IMMP2L: variants seen among roughly 807,000 people sequenced by gnomAD.
The protein encoded by IMMP2L is mitochondrial inner membrane protease subunit 2.
IMMP2L carries 18 observed loss-of-function variants against 19.3 expected under a neutral mutation model. The ratio of observed to expected loss-of-function variants is 0.93; its 90% confidence interval spans 0.64 to 1.38. The LOEUF is 1.38. IMMP2L is among the 40% of genes most tolerant of loss of function. The pLI, the probability that IMMP2L is intolerant of heterozygous loss-of-function variation, is 0.00. For synonymous variants in IMMP2L, 76 were observed against 73.0 expected (o/e 1.04, Z -0.21); for missense variants, 233 against 218.2 (o/e 1.07, Z -0.43).
intron 3 of IMMP2L, among the ~76,000 whole-genome samples, chr7:110,989,577 A>T (rs1021557681): frequency 6.6e-6 from 1 of 150,622 alleles, no homozygotes; most frequent in Non-Finnish European, 1.5e-5. Flanking sequence ...ATATTTGAGT[A>T]TTGGTAGTAT....
chr7:110,712,996 G>A (rs1644032827), intron 5 of IMMP2L, among the ~76,000 whole-genome samples: 1 of 152,066 alleles, frequency 6.6e-6, no homozygotes, highest in South Asian at 2.1e-4. Flanking sequence ...GGGAGCTGTA[G>A]ACCGGAGCTG....
chr7:110,983,362 C>A (rs946603792), intron 3 of IMMP2L, among the ~76,000 whole-genome samples: 3 of 152,070 alleles, frequency 2.0e-5, no homozygotes, highest in Middle Eastern at 3.4e-3. Context: ...AATGCTGTAA[C>A]TTGACAGATT....
chr7:111,431,594 AATGC>A (rs2131689441), intron 3 of IMMP2L, among the ~76,000 whole-genome samples: 1 of 151,950 alleles, frequency 6.6e-6, no homozygotes, highest in South Asian at 2.1e-4. Flanking sequence ...ATAGGTCCAT[AATGC>A]ATATTAAAAC....
At chr7:110,706,250 G>T (rs942613327) in intron 5 of IMMP2L, among the ~76,000 whole-genome samples, 1 of 152,038 alleles carries the variant, frequency 6.6e-6, no homozygotes, top group Non-Finnish European at 1.5e-5. Context: ...CTATGAGCAT[G>T]TGCCACCATG....
At chr7:110,678,583 G>C (rs572858823) in intron 5 of IMMP2L, among the ~76,000 whole-genome samples, 7 of 152,142 alleles carry the variant, frequency 4.6e-5, no homozygotes, top group Admixed American at 4.6e-4. Context: ...AGGACCTCAT[G>C]ATCTGGTGGG....
chr7:111,082,691 C>G (rs1326607859), intron 3 of IMMP2L, among the ~76,000 whole-genome samples: 2 of 152,028 alleles, frequency 1.3e-5, no homozygotes, highest in Admixed American at 6.6e-5. Flanking sequence ...GGGAGCACCC[C>G]CAAAGTCTAA....
Position 111,417,881 on chromosome 7 carries a change from A to G in IMMP2L, c.239+69357T>C, listed in dbSNP as rs150552253. Among the ~76,000 whole-genome samples, 120 of 151,986 alleles carry G rather than the reference A, an allele frequency of 7.9e-4. 2 individuals carry two copies. Among genetic ancestry groups the G allele is most frequent in the Middle Eastern group, 3.4e-3 (1 of 294 alleles). Reference sequence around the variant, plus strand: ...GAACTTTTCAGACACTGCGTTTGCAAAGCCCAAATCTGCAGCTGTTCTATA... The same window carrying G: ...GAACTTTTCAGACACTGCGTTTGCAGAGCCCAAATCTGCAGCTGTTCTATA... On this transcript the variant is annotated intron_variant, in intron 3 of 5. Transcript: ENST00000405709.
chr7:111,183,854 C>CAT (rs1807979617), intron 3 of IMMP2L, among the ~76,000 whole-genome samples: 1 of 152,040 alleles, frequency 6.6e-6, no homozygotes, highest in African/African-American at 2.4e-5. Context: ...AAAGAAAGAA[C>CAT]ATACACTCTG....
At chr7:111,249,510 G>A (rs745622362) in intron 3 of IMMP2L, among the ~76,000 whole-genome samples, 5 of 151,866 alleles carry the variant, frequency 3.3e-5, no homozygotes, top group East Asian at 1.9e-4. Flanking sequence ...GCTGTAGACC[G>A]GAGCTGTTCC....
chr7:111,337,437 G>A (rs894722396), intron 3 of IMMP2L, among the ~76,000 whole-genome samples: 2 of 148,026 alleles, frequency 1.4e-5, no homozygotes, highest in African/African-American at 5.0e-5. Flanking sequence ...TATTAATTAA[G>A]TTATTTGGAT....
At chr7:111,317,047 A>T (rs1315719166) in intron 3 of IMMP2L, among the ~76,000 whole-genome samples, 1 of 151,698 alleles carries the variant, frequency 6.6e-6, no homozygotes, top group East Asian at 1.9e-4. Flanking sequence ...ACGGGGTTTC[A>T]CCATGTTGGC....
chr7:110,833,465 G>A (rs1365708242), intron 5 of IMMP2L, among the ~76,000 whole-genome samples: 13 of 148,524 alleles, frequency 8.8e-5, no homozygotes, highest in African/African-American at 3.2e-4. Flanking sequence ...AAGAGAGAGA[G>A]AGCTTTAATC....
chr7:110,924,081 T>G lies in IMMP2L; in HGVS notation c.306-37386A>C, dbSNP rs535909226. 6.6e-6 allele frequency among the ~76,000 whole-genome samples: 1 copy of G among 152,286 alleles called. No homozygotes were observed. Among genetic ancestry groups the G allele is most frequent in the East Asian group, 1.9e-4 (1 of 5,184 alleles). On this transcript the variant is annotated intron_variant, in intron 4 of 5. Transcript: ENST00000405709. This position sits in a 1 kb window ranked among gnomAD's most constrained non-coding sequence, Gnocchi z 4.2. ...TATGACAAAGGAATGATTCCCATGA[T>G]TATTGAAAAGTCTGACTTCTACCTA...
intron 3 of IMMP2L, among the ~76,000 whole-genome samples, chr7:111,308,941 G>T (rs1334067081): frequency 6.6e-6 from 1 of 152,090 alleles, no homozygotes; most frequent in African/African-American, 2.4e-5. Flanking sequence ...GCTGTGTGAA[G>T]ATACTGGTTA....
intron 3 of IMMP2L, among the ~76,000 whole-genome samples, chr7:111,050,055 C>G (rs1222215711): frequency 6.6e-6 from 1 of 152,148 alleles, no homozygotes; most frequent in Non-Finnish European, 1.5e-5. Flanking sequence ...TGAGGAGGCA[C>G]AGTCTCAAAT....
intron 3 of IMMP2L, among the ~76,000 whole-genome samples, chr7:111,044,878 G>T (rs1275089961): frequency 6.6e-6 from 1 of 152,076 alleles, no homozygotes; most frequent in African/African-American, 2.4e-5. Context: ...GAGACTATTT[G>T]ATTATAATTT....
At chr7:111,068,848 A>G (rs1319906250) in intron 3 of IMMP2L, among the ~76,000 whole-genome samples, 1 of 152,208 alleles carries the variant, frequency 6.6e-6, no homozygotes, top group Non-Finnish European at 1.5e-5. Context: ...ATGACATGTC[A>G]GAAGCCTAAC....
At chr7:111,539,034 T>C (rs1848163330) in intron 1 of IMMP2L, among the ~76,000 whole-genome samples, 1 of 149,718 alleles carries the variant, frequency 6.7e-6, no homozygotes, top group African/African-American at 2.5e-5. Context: ...GCAGGAGAAT[T>C]GCTTGAACCT....
In IMMP2L at chr7:111,032,309, T is replaced by C. The variant is rs141094508; in HGVS notation, c.240-68744A>G. On this transcript the variant is annotated intron_variant, in intron 3 of 5. Coordinates refer to ENST00000405709, the MANE Select transcript of IMMP2L (RefSeq NM_032549.4). ...GAATAGAATGGAGAGCCTAGAATTA[T>C]GTGTAGACCTACATAAATATGATAA... Among the ~76,000 whole-genome samples the C allele has an allele frequency of 1.8e-3, 269 of 152,224 alleles. 1 individual carries two copies. The highest frequency in any genetic ancestry group is 5.3e-3 in the African/African-American group (221 of 41,530).
Sources: gnomAD v4.1 joint callset for allele counts (sites outside exome capture counted in the v4.1 genomes callset) on GRCh38, gnomAD v4.1.1 for gene constraint, Gnocchi (gnomAD v3.1) non-coding constraint, MANE v1.5 for transcripts, NCBI Gene and HGNC (gene_info 2026-07-23, HGNC 2026-07-21) for gene names.